COG3: variants seen among roughly 807,000 people sequenced by gnomAD.
COG3 encodes conserved oligomeric Golgi complex subunit 3.
In COG3, 32 loss-of-function variants were observed where a neutral mutation model predicts 114.1. That is an observed-to-expected ratio of 0.28 (90% CI 0.21 to 0.38). The LOEUF is 0.38. Ranked by LOEUF, COG3 falls within the 10% of genes least tolerant of loss-of-function variation. The pLI is 1.00. For missense variants in COG3, 813 were observed against 973.2 expected (o/e 0.84, Z 2.19); for synonymous variants, 352 against 365.7 (o/e 0.96, Z 0.43).
chr13:45,468,374 A>G (rs555388030), intron 1 of COG3, among the ~76,000 whole-genome samples: 1 of 152,296 alleles, frequency 6.6e-6, no homozygotes, highest in African/African-American at 2.4e-5. Flanking sequence ...TTTCTTTCAA[A>G]TTATTAACAT....
intron 1 of COG3, among the ~76,000 whole-genome samples, chr13:45,471,309 A>G (rs979824082): frequency 7.2e-5 from 11 of 152,130 alleles, no homozygotes; most frequent in Non-Finnish European, 2.9e-5. Flanking sequence ...AGCTCCAGCT[A>G]CTTGGGAGGC....
chr13:45,490,035 T>C (rs1886926898), intron 8 of COG3, among the ~76,000 whole-genome samples: 1 of 152,098 alleles, frequency 6.6e-6, no homozygotes, highest in African/African-American at 2.4e-5. Context: ...TTTGAAAAAA[T>C]AGTAAGCTTT....
In COG3 at chr13:45,476,236, G is replaced by C. The variant is rs1404924947; in HGVS notation, c.210G>C (p.Gln70His). 3 of 1,613,524 alleles carry C rather than the reference G, an allele frequency of 1.9e-6. No individual in the cohort carries two copies. Among genetic ancestry groups the C allele is most frequent in the Non-Finnish European group, 2.5e-6 (3 of 1,179,790 alleles). ...AAGACTTGTGCAGTTTAACATCCCA[G>C]TCACTGCCCATTGAACTGACTTCAG... ...PIEDLCSLTS[Q>H]SLPIELTSVV... is the part of the protein sequence containing the mutation. Residue 70 changes from glutamine to histidine, a missense_variant, in exon 2 of 23, where the codon CAG (glutamine) becomes CAC (histidine). By Grantham distance (24) the Gln-to-His change is conservative (BLOSUM62 0). Coordinates refer to ENST00000349995, the MANE Select transcript of COG3 (RefSeq NM_031431.4).
chr13:45,529,599 G>A (rs1418561736), intron 20 of COG3, among the ~76,000 whole-genome samples, 192 bp from the exon 21 acceptor site: 3 of 151,954 alleles, frequency 2.0e-5, no homozygotes, highest in Non-Finnish European at 4.4e-5. Flanking sequence ...TTGTATAGTA[G>A]ATATTTAATG....
intron 22 of COG3, chr13:45,534,446 C>T (rs1409773147): frequency 2.8e-6 from 1 of 354,852 alleles, no homozygotes. Context: ...TTACTGGTCT[C>T]ATAAAAATCT....
intron 4 of COG3, among the ~76,000 whole-genome samples, chr13:45,480,960 TTAAG>T (rs1886213488): frequency 6.6e-6 from 1 of 152,242 alleles, no homozygotes; most frequent in Non-Finnish European, 1.5e-5. Context: ...GCTAGAACAC[TTAAG>T]TTAGTATGTC....
At position 45,530,714 on chromosome 13, in the gene COG3, C is replaced by T. The variant is rs62637564; in HGVS notation, c.2391C>T (p.His797=). 31,231 of 1,611,364 alleles carry T rather than the reference C, an allele frequency of 0.019. 515 individuals carry two copies. The highest frequency in any genetic ancestry group is 0.079 in the African/African-American group (5,889 of 74,912). The change falls in exon 22 of 23, where the codon CAC becomes CAT. Residue 797 remains histidine, a synonymous_variant. Coordinates refer to ENST00000349995, the MANE Select transcript of COG3 (RefSeq NM_031431.4). ...TTCAGCAAGTCTTCCAGAAGTTCCA[C>T]GCTCTGTTAAAGGAAGAGTTCAGCC... The part of the protein sequence containing the change: ...NNIQQVFQKF[H]ALLKEEFSPE...
intron 13 of COG3, among the ~76,000 whole-genome samples, chr13:45,498,399 A>C (rs1869089679): frequency 8.4e-6 from 1 of 118,956 alleles, no homozygotes; most frequent in Non-Finnish European, 1.7e-5. Context: ...CACTCTTTTC[A>C]CCCAGGCTGG....
intron 12 of COG3, among the ~76,000 whole-genome samples, chr13:45,495,135 C>T (rs1293896817): frequency 6.3e-5 from 9 of 141,972 alleles, no homozygotes; most frequent in African/African-American, 1.3e-4. Flanking sequence ...TGAGCCACCA[C>T]GCCTGGCCTC....
intron 11 of COG3, among the ~76,000 whole-genome samples, chr13:45,493,097 T>C (rs1449431358): frequency 6.6e-6 from 1 of 152,210 alleles, no homozygotes; most frequent in Non-Finnish European, 1.5e-5. Context: ...TGTAATAGGT[T>C]GACTTTTGTT....
chr13:45,532,722 A>AT (rs901774925), intron 22 of COG3, among the ~76,000 whole-genome samples: 2 of 151,082 alleles, frequency 1.3e-5, no homozygotes, highest in Non-Finnish European at 3.0e-5. Context: ...GGCCCCGCCA[A>AT]TTTTTTTTAT....
At chr13:45,492,698 A>G (rs1887089316) in intron 11 of COG3, among the ~76,000 whole-genome samples, 1 of 152,050 alleles carries the variant, frequency 6.6e-6, no homozygotes, top group Admixed American at 6.5e-5. Flanking sequence ...CTTAATGTTC[A>G]CTCTTTTGAC....
intron 12 of COG3, among the ~76,000 whole-genome samples, chr13:45,494,370 C>T (rs897261137): frequency 6.6e-5 from 10 of 150,808 alleles, no homozygotes; most frequent in African/African-American, 1.9e-4. Context: ...TTATTCTACT[C>T]ACAGAATTTA....
At chr13:45,500,092 GTGTATATATATATA>G (rs1245213187) in intron 13 of COG3, among the ~76,000 whole-genome samples, 640 of 41,574 alleles carry the variant, frequency 0.015, 3 homozygotes, top group Middle Eastern at 0.05. Context: ...GTGTGTGTGT[GTGTATATATATATA>G]TATATATATA....
chr13:45,524,467 C>G (rs563491123), intron 19 of COG3, among the ~76,000 whole-genome samples: 1 of 152,210 alleles, frequency 6.6e-6, no homozygotes, highest in Non-Finnish European at 1.5e-5. Context: ...TCATATGTGA[C>G]TTTTTGATGG....
chr13:45,468,699 T>G (rs527744927), intron 1 of COG3, among the ~76,000 whole-genome samples: 6 of 152,370 alleles, frequency 3.9e-5, no homozygotes, highest in Non-Finnish European at 1.5e-5. Flanking sequence ...TTTATTGTAC[T>G]TACTATTTAA....
At chr13:45,482,288 C>T in intron 5 of COG3, 93 bp from the exon 6 acceptor site, 1 of 611,720 alleles carries the variant, frequency 1.6e-6, no homozygotes, top group Non-Finnish European at 2.8e-6. Flanking sequence ...ATGTTATGTC[C>T]TAAAGGCAAA....
chr13:45,515,781 C>T (rs537504954), intron 16 of COG3, among the ~76,000 whole-genome samples: 2 of 152,310 alleles, frequency 1.3e-5, no homozygotes, highest in East Asian at 3.9e-4. Context: ...CAGGATCCTG[C>T]TTGTTATTTG....
intron 6 of COG3, among the ~76,000 whole-genome samples, chr13:45,482,789 T>C (rs1886330487): frequency 6.6e-6 from 1 of 152,192 alleles, no homozygotes; most frequent in Non-Finnish European, 1.5e-5. Context: ...GTTTTTAAAT[T>C]GTTGGTGTCT....
Sources: gnomAD v4.1 joint callset for allele counts (sites outside exome capture counted in the v4.1 genomes callset) on GRCh38, gnomAD v4.1.1 for gene constraint, MANE v1.5 for transcripts, NCBI Gene and HGNC (gene_info 2026-07-23, HGNC 2026-07-21) for gene names.